The following XPR1 variants were observed in gnomAD, a reference collection of about 807,000 sequenced individuals.
The protein encoded by XPR1 is xenotropic and polytropic retrovirus receptor 1, also known as solute carrier family 53 member 1.
In XPR1, 28 loss-of-function variants were observed where a neutral mutation model predicts 87.5. The observed-to-expected ratio is 0.32, with a 90% CI of 0.24 to 0.44. XPR1 has a LOEUF of 0.44. XPR1 is among the 20% of genes least tolerant of loss of function. The pLI is 1.00. For synonymous variants in XPR1, 300 were observed against 306.1 expected, an observed-to-expected ratio of 0.98 and a Z score of 0.21; for missense variants, 559 against 862.3, an observed-to-expected ratio of 0.65 and a Z score of 4.41.
At chr1:180,735,545 TTAAATTTAACATTTTATTTATTGATTAA>T (rs534423759) in intron 2 of XPR1, among the ~76,000 whole-genome samples, 42 of 152,176 alleles carry the variant, frequency 2.8e-4, no homozygotes, top group Non-Finnish European at 5.6e-4. Flanking sequence ...TGTACAATCA[TTAAATTTAACATTTTATTTATTGATTAA>T]ATAGTGAAAG....
chr1:180,651,772 A>T (rs891030486), intron 1 of XPR1, among the ~76,000 whole-genome samples: 2 of 152,226 alleles, frequency 1.3e-5, no homozygotes, highest in African/African-American at 4.8e-5. Flanking sequence ...TTATAACCAT[A>T]TAGGAAATAA....
chr1:180,702,038 A>G (rs1013293332), intron 2 of XPR1, among the ~76,000 whole-genome samples: 5 of 84,542 alleles, frequency 5.9e-5, no homozygotes, highest in African/African-American at 3.1e-4. Flanking sequence ...TAGGGTGTCA[A>G]TTTTGGATCT....
At chr1:180,839,351 G>A (rs61811225) in intron 11 of XPR1, among the ~76,000 whole-genome samples, 8,131 of 152,194 alleles carry the variant, frequency 0.053, 312 homozygotes, top group Non-Finnish European at 0.079. Context: ...GTAGACCATC[G>A]TATGATTATT....
At chr1:180,760,938 A>C (rs2102052004) in intron 2 of XPR1, among the ~76,000 whole-genome samples, 1 of 152,304 alleles carries the variant, frequency 6.6e-6, no homozygotes, top group African/African-American at 2.4e-5. Context: ...ATGGAACAGA[A>C]CAGAGCCCTC....
chr1:180,763,481 A>G (rs1181127216), intron 2 of XPR1, among the ~76,000 whole-genome samples: 1 of 152,236 alleles, frequency 6.6e-6, no homozygotes, highest in Admixed American at 6.5e-5. Flanking sequence ...AAGCTGGAAG[A>G]AATGGATATT....
intron 9 of XPR1, among the ~76,000 whole-genome samples, chr1:180,826,957 C>G (rs1650869588): frequency 1.3e-5 from 2 of 151,872 alleles, no homozygotes. Flanking sequence ...AGTTCAAGAC[C>G]AGCCTGGCTA....
Position 180,863,832 on chromosome 1 carries a change from A to G in XPR1, c.1626A>G (p.Gly542=), listed in dbSNP as rs1652296825. 2.5e-6 allele frequency: 4 copies of G among 1,610,294 alleles called. No homozygotes were observed. The East Asian group carries it at 8.9e-5, about 36-fold the overall frequency. Residue 542 remains glycine (G), a synonymous_variant, in exon 12 of 15, where the codon GGA becomes GGG. Transcript: ENST00000367590. The part of the protein sequence containing the change: ...MDWGLFDKNA[G]ENTFLREEIV... The stretch of plus-strand genomic sequence containing the variant: ...GGGGTCTCTTCGATAAGAATGCTGG[A>G]GAGAACACTTTCCTCCGGGAAGAGA...
intron 2 of XPR1, chr1:180,758,644 G>T (rs1647858036): frequency 6.6e-6 from 1 of 152,410 alleles, no homozygotes; most frequent in Non-Finnish European, 1.5e-5. Context: ...GGAGGCGGAG[G>T]TTGTAGTGAG....
chr1:180,783,274 C>T (rs539047382), intron 2 of XPR1, among the ~76,000 whole-genome samples: 6 of 152,072 alleles, frequency 3.9e-5, no homozygotes, highest in East Asian at 1.9e-4. Context: ...CAAACAAAAA[C>T]TCTATTCAAC....
At chr1:180,644,550 ATTAT>A (rs879461883) in intron 1 of XPR1, among the ~76,000 whole-genome samples, 4 of 151,670 alleles carry the variant, frequency 2.6e-5, no homozygotes, top group Non-Finnish European at 2.9e-5. Flanking sequence ...TTTGGATCTC[ATTAT>A]TTATTAGATG....
chr1:180,741,415 T>C (rs1204138924), intron 2 of XPR1, among the ~76,000 whole-genome samples: 3 of 151,436 alleles, frequency 2.0e-5, no homozygotes, highest in Admixed American at 6.6e-5. Context: ...ATCCACACCC[T>C]TCGGCCTCCC....
At chr1:180,853,211 A>AGCCACT (rs1651923563) in intron 11 of XPR1, among the ~76,000 whole-genome samples, 1 of 152,216 alleles carries the variant, frequency 6.6e-6, no homozygotes, top group African/African-American at 2.4e-5. Context: ...TATAGGCATG[A>AGCCACT]GCCACTGCCA....
At chr1:180,812,729 A>G (rs1650265181) in intron 7 of XPR1, among the ~76,000 whole-genome samples, 1 of 150,828 alleles carries the variant, frequency 6.6e-6, no homozygotes, top group Non-Finnish European at 1.5e-5. Context: ...GCTCACTGCA[A>G]CCTCTGCCTC....
At chr1:180,688,875 C>A (rs1656879925) in intron 2 of XPR1, among the ~76,000 whole-genome samples, 1 of 151,876 alleles carries the variant, frequency 6.6e-6, no homozygotes. Flanking sequence ...TTTTAAACTG[C>A]CTGTCTTCCC....
At chr1:180,724,531 T>C (rs577567077) in intron 2 of XPR1, among the ~76,000 whole-genome samples, 244 of 152,286 alleles carry the variant, frequency 1.6e-3, no homozygotes, top group Non-Finnish European at 2.9e-3. Flanking sequence ...AAAGTCGTAA[T>C]GTAAACTGCC....
chr1:180,765,570 T>C (rs10914095), intron 2 of XPR1, among the ~76,000 whole-genome samples: 47,674 of 152,032 alleles, frequency 0.31, 8,231 homozygotes, highest in Non-Finnish European at 0.38. Flanking sequence ...TCAAAATCTG[T>C]GGGTGCCCAT....
intron 2 of XPR1, among the ~76,000 whole-genome samples, chr1:180,702,953 C>T (rs74135808): frequency 0.016 from 2,417 of 152,138 alleles, 73 homozygotes; most frequent in African/African-American, 0.056. Context: ...AGACTTTTTC[C>T]TGTAGGCATA....
chr1:180,800,916 G>C (rs1160377412), intron 3 of XPR1, among the ~76,000 whole-genome samples: 1 of 152,140 alleles, frequency 6.6e-6, no homozygotes, highest in Non-Finnish European at 1.5e-5. Context: ...GTGACTCTCT[G>C]TTGTAGTGAC....
At chr1:180,661,919 G>A (rs1350265115) in intron 1 of XPR1, among the ~76,000 whole-genome samples, 1 of 152,026 alleles carries the variant, frequency 6.6e-6, no homozygotes, top group Non-Finnish European at 1.5e-5. Context: ...ATTTTAAACT[G>A]ATGACAACAC....
Sources: allele counts gnomAD v4.1 joint callset (sites outside exome capture counted in the v4.1 genomes callset), GRCh38; gene constraint gnomAD v4.1.1; transcripts MANE v1.5; gene names NCBI Gene and HGNC (gene_info 2026-07-23, HGNC 2026-07-21).